The following SYNE3 variants were observed in gnomAD, a reference collection of about 807,000 sequenced individuals.
The protein encoded by SYNE3 is spectrin repeat containing nuclear envelope family member 3, also known as nesprin-3.
A neutral mutation model predicts 111.2 loss-of-function variants in SYNE3; 100 were observed. That is an observed-to-expected ratio of 0.90 (90% confidence interval 0.77 to 1.06). SYNE3 has a LOEUF of 1.06. Among genes scored for constraint, SYNE3 ranks in the 50% least tolerant of loss-of-function variants. The probability of loss-of-function intolerance (pLI) is 0.00; values close to 1 mark genes in which losing one functional copy is unlikely to be tolerated. For missense variants in SYNE3, 1,160 were observed against 1,240.3 expected, an observed-to-expected ratio of 0.94 and a Z score of 0.97; for synonymous variants, 547 against 533.9, an observed-to-expected ratio of 1.02 and a Z score of -0.34.
chr14:95,449,410 G>T, intron 8 of SYNE3: 1 of 985,096 alleles, frequency 1.0e-6, no homozygotes, highest in Non-Finnish European at 1.2e-6. Context: ...TGCATCCGCG[G>T]CTCCATCCGG....
intron 6 of SYNE3, among the ~76,000 whole-genome samples, chr14:95,454,012 TA>T (rs1887254701): frequency 6.6e-6 from 1 of 152,206 alleles, no homozygotes; most frequent in South Asian, 2.1e-4. Flanking sequence ...CCCTGCCAGG[TA>T]GTTGCATTTC....
At chr14:95,420,062 C>T (rs1162123917) in intron 17 of SYNE3, among the ~76,000 whole-genome samples, 6 of 151,730 alleles carry the variant, frequency 4.0e-5, no homozygotes, top group Non-Finnish European at 8.8e-5. Flanking sequence ...GATGATAACG[C>T]TTAACCCTGT....
chr14:95,444,685 G>A (rs1388234265), intron 9 of SYNE3, 57 bp from the exon 10 acceptor site: 5 of 1,505,206 alleles, frequency 3.3e-6, no homozygotes, highest in Non-Finnish European at 4.5e-6. Flanking sequence ...GCACCGTGTT[G>A]TGAGACCCGA....
Position 95,409,310 on chromosome 14 carries a change from A to G in SYNE3, c.*8516T>C. 2.2e-6 allele frequency: 1 copy of G among 456,762 alleles called. No individual in the cohort carries two copies. 28.3% of individuals were successfully genotyped at this position (456,762 alleles called of 1,614,324 possible). ...CAGGCTTTTTGAAAGTGTCATGACC[A>G]TATTGCAGGCGCTCGGGGTATGTTT... On this transcript the variant is annotated 3_prime_UTR_variant, in exon 18 of 18. Coordinates refer to ENST00000682763, the MANE Select transcript of SYNE3 (RefSeq NM_152592.6).
At chr14:95,457,803 G>A (rs936999213) in intron 4 of SYNE3, among the ~76,000 whole-genome samples, 2 of 152,156 alleles carry the variant, frequency 1.3e-5, no homozygotes, top group Non-Finnish European at 2.9e-5. Context: ...TGTGACAGAT[G>A]AGGACACCAA....
chr14:95,495,402 G>A (rs1279968303), intron 1 of SYNE3, among the ~76,000 whole-genome samples: 1 of 152,244 alleles, frequency 6.6e-6, no homozygotes, highest in African/African-American at 2.4e-5. Flanking sequence ...TGTCCTGGTA[G>A]GTGTCAAGGT....
intron 8 of SYNE3, among the ~76,000 whole-genome samples, chr14:95,447,427 T>C (rs987504178): frequency 1.3e-5 from 2 of 152,226 alleles, no homozygotes; most frequent in South Asian, 2.1e-4. Context: ...TGAGCCACCG[T>C]GCCCAGCCAA....
Position 95,488,557 on chromosome 14 carries a change from G to C in SYNE3, c.-14-12722C>G, listed in dbSNP as rs116040609. On this transcript the variant is annotated intron_variant, in intron 1 of 17. Coordinates refer to ENST00000682763, the MANE Select transcript of SYNE3 (RefSeq NM_152592.6). ...TAAGAAACTGCCAAGGCCAGGCGTG[G>C]TGGCTCACACCTGTGATCCCAGCAC... Among the ~76,000 whole-genome samples, 830 of 152,122 alleles carry C rather than the reference G, an allele frequency of 5.5e-3. 10 individuals carry two copies. The highest frequency in any genetic ancestry group is 0.019 in the African/African-American group (787 of 41,494).
In SYNE3 at chr14:95,433,350, C is replaced by T. The variant is rs566836581; in HGVS notation, c.2598G>A (p.Gly866=). ...QHLFENLLRL[G]PARGTSDELE... ...GCTCATCCGAGGTCCCCCTTGCTGG[C>T]CCGAGACGAAGGAGGTTCTCAAAGA... Residue 866 remains glycine (G), a synonymous_variant, in exon 16 of 18, where the codon GGG becomes GGA. Coordinates refer to ENST00000682763, the MANE Select transcript of SYNE3 (RefSeq NM_152592.6). The T allele has an allele frequency of 2.5e-6, 4 of 1,614,120 alleles. No individual in the cohort carries two copies. The highest frequency in any genetic ancestry group is 2.2e-5 in the South Asian group (2 of 91,072).
In SYNE3 at chr14:95,410,906, A is replaced by C. The variant is rs1903417736; in HGVS notation, c.*6920T>G. On this transcript the variant is annotated 3_prime_UTR_variant, in exon 18 of 18. Coordinates refer to ENST00000682763, the MANE Select transcript of SYNE3 (RefSeq NM_152592.6). ...GTGGGGGGAGGTGGTAAGGAACTGG[A>C]CCAATGTCACACAGCCCATCAGCAG... 6.6e-6 allele frequency: 1 copy of C among 152,430 alleles called. No individual in the cohort carries two copies. The highest frequency in any genetic ancestry group is 2.1e-4 in the South Asian group (1 of 4,822). 9.4% of individuals were successfully genotyped at this position (152,430 alleles called of 1,614,324 possible).
At chr14:95,504,487 TCCATCAAGGCTTTC>T (rs1490670003) in intron 1 of SYNE3, among the ~76,000 whole-genome samples, 1 of 152,250 alleles carries the variant, frequency 6.6e-6, no homozygotes, top group Non-Finnish European at 1.5e-5. Context: ...GAATCGTGTC[TCCATCAAGGCTTTC>T]CCTCTGGCAT....
intron 17 of SYNE3, among the ~76,000 whole-genome samples, chr14:95,423,610 A>G (rs371073894): frequency 1.1e-4 from 1 of 8,942 alleles, no homozygotes; most frequent in Admixed American, 1.4e-3. Flanking sequence ...GGGGATGGGG[A>G]TTTGATGGGG....
At chr14:95,460,295 C>A (rs1887709295) in intron 4 of SYNE3, among the ~76,000 whole-genome samples, 1 of 151,672 alleles carries the variant, frequency 6.6e-6, no homozygotes, top group Non-Finnish European at 1.5e-5. Context: ...ACCTCTGCCT[C>A]CTGGGTTCAA....
chr14:95,490,961 C>G (rs565002128), intron 1 of SYNE3, among the ~76,000 whole-genome samples: 126 of 152,360 alleles, frequency 8.3e-4, no homozygotes, highest in African/African-American at 2.6e-3. Flanking sequence ...GTCTCATCCC[C>G]TCTGTATCCT....
At chr14:95,453,311 C>T (rs1406711857) in intron 6 of SYNE3, among the ~76,000 whole-genome samples, 1 of 152,190 alleles carries the variant, frequency 6.6e-6, no homozygotes, top group African/African-American at 2.4e-5. Context: ...TCCTTCTTGA[C>T]CATACCGACC....
chr14:95,490,760 G>A (rs1889809742), intron 1 of SYNE3, among the ~76,000 whole-genome samples: 1 of 152,230 alleles, frequency 6.6e-6, no homozygotes, highest in Non-Finnish European at 1.5e-5. Context: ...CTTCAGATAT[G>A]GCCCAGGGCA....
At chr14:95,496,429 A>G (rs759217199) in intron 1 of SYNE3, among the ~76,000 whole-genome samples, 1 of 152,220 alleles carries the variant, frequency 6.6e-6, no homozygotes, top group Non-Finnish European at 1.5e-5. Flanking sequence ...CCACCCATTT[A>G]TGAATGTCCT....
chr14:95,496,956 C>T (rs1016836082), intron 1 of SYNE3, among the ~76,000 whole-genome samples: 2 of 152,240 alleles, frequency 1.3e-5, no homozygotes, highest in Admixed American at 1.3e-4. Flanking sequence ...TTTCTTAGGG[C>T]TCTGCACTTG....
chr14:95,472,869 G>A (rs1888613285), intron 2 of SYNE3, among the ~76,000 whole-genome samples: 2 of 152,250 alleles, frequency 1.3e-5, no homozygotes, highest in South Asian at 4.2e-4. Context: ...GGAACATGAG[G>A]TCCCGGGAAG....
Sources: allele counts gnomAD v4.1 joint callset (sites outside exome capture counted in the v4.1 genomes callset), GRCh38; gene constraint gnomAD v4.1.1; transcripts MANE v1.5; gene names NCBI Gene and HGNC (gene_info 2026-07-23, HGNC 2026-07-21).